JMJD1C: variants seen among roughly 807,000 people sequenced by gnomAD.
JMJD1C encodes the protein jumonji domain-containing protein 1C.
Under a neutral mutation model 245.3 loss-of-function variants are expected in JMJD1C, and 31 were observed. The ratio of observed to expected loss-of-function variants is 0.13; its 90% CI spans 0.09 to 0.17. JMJD1C has a LOEUF of 0.17. JMJD1C is among the 10% of genes least tolerant of loss of function. The pLI, the probability that JMJD1C is intolerant of heterozygous loss-of-function variation, is 1.00. For synonymous variants in JMJD1C, 1,057 were observed against 1,017.4 expected, an observed-to-expected ratio of 1.04 and a Z score of -0.74; for missense variants, 2,691 against 3,000.2, an observed-to-expected ratio of 0.90 and a Z score of 2.41.
At chr10:63,341,305 G>A (rs1408874172) in intron 2 of JMJD1C, among the ~76,000 whole-genome samples, 2 of 152,226 alleles carry the variant, frequency 1.3e-5, no homozygotes, top group African/African-American at 4.8e-5. Context: ...CATTGCTTAT[G>A]AAAATGTGAC....
chr10:63,444,418 C>G (rs1026134390), intron 1 of JMJD1C, among the ~76,000 whole-genome samples: 1 of 150,410 alleles, frequency 6.6e-6, no homozygotes, highest in African/African-American at 2.4e-5. Flanking sequence ...GGATTACAGG[C>G]GCATGCCACC....
At chr10:63,188,043 C>T (rs1375399960) in intron 18 of JMJD1C, among the ~76,000 whole-genome samples, 1 of 152,194 alleles carries the variant, frequency 6.6e-6, no homozygotes, top group Non-Finnish European at 1.5e-5. Context: ...TGTCCAGCCT[C>T]TTGTCCACCT....
At chr10:63,265,541 G>A (rs1855457625) in intron 2 of JMJD1C, among the ~76,000 whole-genome samples, 1 of 152,122 alleles carries the variant, frequency 6.6e-6, no homozygotes, top group South Asian at 2.1e-4. Flanking sequence ...GGGATACAAT[G>A]TATAAATTTC....
At chr10:63,500,984 C>T (rs1380167222) in intron 1 of JMJD1C, among the ~76,000 whole-genome samples, 3 of 151,544 alleles carry the variant, frequency 2.0e-5, no homozygotes, top group South Asian at 2.1e-4. Context: ...AATTATAACA[C>T]GAACTACTAC....
intron 2 of JMJD1C, among the ~76,000 whole-genome samples, chr10:63,286,379 C>T (rs1316032561): frequency 6.6e-6 from 1 of 152,210 alleles, no homozygotes; most frequent in Non-Finnish European, 1.5e-5. Flanking sequence ...GGTTCAATCA[C>T]CTTTAGGAAC....
intron 2 of JMJD1C, among the ~76,000 whole-genome samples, chr10:63,363,859 T>G (rs1288345560): frequency 2.0e-5 from 3 of 149,360 alleles, no homozygotes; most frequent in African/African-American, 4.9e-5. Context: ...GCTAATTTTT[T>G]TTTTTTTTTT....
intron 2 of JMJD1C, among the ~76,000 whole-genome samples, chr10:63,273,020 C>T (rs1856478053): frequency 6.6e-6 from 1 of 152,178 alleles, no homozygotes; most frequent in South Asian, 2.1e-4. Context: ...ATTAACAATA[C>T]TGAAAAACCA....
At chr10:63,196,256 C>CA (rs889432167) in intron 13 of JMJD1C, among the ~76,000 whole-genome samples, 121 of 139,756 alleles carry the variant, frequency 8.7e-4, no homozygotes, top group African/African-American at 2.8e-3. Context: ...CAACAACATC[C>CA]AAAAAAAAAA....
At chr10:63,212,794 T>C (rs1847518225) in intron 8 of JMJD1C, among the ~76,000 whole-genome samples, 1 of 151,738 alleles carries the variant, frequency 6.6e-6, no homozygotes, top group Non-Finnish European at 1.5e-5. Flanking sequence ...ATTTCACTTC[T>C]GGGAATTTGG....
At chr10:63,265,454 T>C (rs1167409218) in intron 2 of JMJD1C, among the ~76,000 whole-genome samples, 4 of 152,158 alleles carry the variant, frequency 2.6e-5, no homozygotes, top group African/African-American at 9.7e-5. Context: ...AGAAGATACC[T>C]TTAACATATG....
intron 2 of JMJD1C, among the ~76,000 whole-genome samples, chr10:63,306,092 A>AT (rs199670494): frequency 0.01 from 1,518 of 150,932 alleles, 19 homozygotes; most frequent in African/African-American, 0.032. Context: ...TTTTAATTTT[A>AT]TTTTTTTTTA....
At chr10:63,230,373 G>A (rs1849813189) in intron 3 of JMJD1C, among the ~76,000 whole-genome samples, 2 of 151,964 alleles carry the variant, frequency 1.3e-5, no homozygotes, top group Non-Finnish European at 2.9e-5. Context: ...ACTCTGTTTC[G>A]AAAAAATTCC....
At chr10:63,172,009 AG>A (rs1842416395) in intron 24 of JMJD1C, among the ~76,000 whole-genome samples, 1 of 152,202 alleles carries the variant, frequency 6.6e-6, no homozygotes, top group Non-Finnish European at 1.5e-5. Context: ...GAGTATAAAG[AG>A]CTGTGTTGTT....
intron 2 of JMJD1C, among the ~76,000 whole-genome samples, chr10:63,370,004 G>T (rs1308307678): frequency 1.3e-5 from 2 of 152,176 alleles, no homozygotes; most frequent in Non-Finnish European, 2.9e-5. Context: ...ACACCTTTCA[G>T]CTAGTATGTG....
intron 2 of JMJD1C, among the ~76,000 whole-genome samples, chr10:63,337,963 T>C (rs1943006303): frequency 1.3e-5 from 2 of 152,212 alleles, no homozygotes; most frequent in Admixed American, 6.5e-5. Flanking sequence ...AGTAAAACTA[T>C]AAGAGGTTAA....
chr10:63,215,343 T>C lies in JMJD1C; in HGVS notation c.935A>G (p.Asn312Ser). The change falls in exon 7 of 26, where the codon AAT becomes AGT. Residue 312 changes from asparagine to serine, a missense_variant. Asn to Ser is a conservative substitution (Grantham distance 46). Around this residue, in one of 9 missense-constraint regions of JMJD1C, gnomAD observed 1,562 missense variants for 1,490.7 expected, o/e 1.05. Coordinates refer to ENST00000399262, the MANE Select transcript of JMJD1C (RefSeq NM_032776.3). ...ACTGCTATCTGAGCCCTTCCTCTTATTTGGACGGATACTTCTTTGTTGCTG... is the reference window on the plus strand; with the variant it reads ...ACTGCTATCTGAGCCCTTCCTCTTACTTGGACGGATACTTCTTTGTTGCTG... ...QQQQQRSIRP[N>S]KRKGSDSSIP... 1 of 1,614,190 alleles carries C rather than the reference T, an allele frequency of 6.2e-7. No individual in the cohort carries two copies. Among genetic ancestry groups the C allele is most frequent in the Non-Finnish European group, 8.5e-7 (1 of 1,180,016 alleles).
At position 63,208,499 on chromosome 10, in the gene JMJD1C, G is replaced by C. The variant is rs1846931936; in HGVS notation, c.3170C>G (p.Ser1057Cys). The C allele has an allele frequency of 6.2e-7, 1 of 1,614,036 alleles. No homozygotes were observed. Among genetic ancestry groups the C allele is most frequent in the East Asian group, 2.2e-5 (1 of 44,882 alleles). Residue 1057 changes from serine (S) to cysteine (C), a missense_variant, in exon 10 of 26, where the codon TCC (serine) becomes TGC (cysteine). Coordinates refer to ENST00000399262, the MANE Select transcript of JMJD1C (RefSeq NM_032776.3). ...ENYSRVASSS[S>C]SPKSHIIKQD... ...TTTGATGATATGGCTTTTAGGACTG[G>C]AAGATGATGATGCCACTCTGGAATA...
intron 3 of JMJD1C, among the ~76,000 whole-genome samples, chr10:63,225,126 C>A (rs545485440): frequency 1.3e-5 from 2 of 152,188 alleles, no homozygotes; most frequent in South Asian, 4.1e-4. Context: ...AAGACAGTAA[C>A]TATAAGTAGT....
At chr10:63,212,921 C>T (rs1028955571) in intron 8 of JMJD1C, among the ~76,000 whole-genome samples, 16 of 150,940 alleles carry the variant, frequency 1.1e-4, no homozygotes, top group Admixed American at 2.0e-4. Flanking sequence ...GGCGCGGTGG[C>T]TCACACCTGT....
Sources: allele counts gnomAD v4.1 joint callset (sites outside exome capture counted in the v4.1 genomes callset), GRCh38; gene constraint gnomAD v4.1.1; regional missense constraint gnomAD v4.1.1; transcripts MANE v1.5; gene names NCBI Gene and HGNC (gene_info 2026-07-23, HGNC 2026-07-21).